ARID5B: variants seen among roughly 807,000 people sequenced by gnomAD.
The protein encoded by ARID5B is AT-rich interactive domain-containing protein 5B.
In ARID5B, 13 loss-of-function variants were observed where a neutral mutation model predicts 97.2. The observed-to-expected ratio is 0.13, with a 90% CI of 0.09 to 0.21. ARID5B has a LOEUF of 0.21. ARID5B is among the 10% of genes least tolerant of loss of function. ARID5B has a pLI of 1.00. For synonymous variants in ARID5B, 556 were observed against 570.3 expected, an observed-to-expected ratio of 0.97 and a Z score of 0.36; for missense variants, 1,210 against 1,465.3, an observed-to-expected ratio of 0.83 and a Z score of 2.84.
intron 7 of ARID5B, among the ~76,000 whole-genome samples, chr10:62,068,462 A>C (rs1029141641): frequency 6.6e-6 from 1 of 152,152 alleles, no homozygotes; most frequent in Non-Finnish European, 1.5e-5. Flanking sequence ...ACCCCATAAT[A>C]TTTAACCAGC....
chr10:61,960,359 G>A (rs779167765), intron 3 of ARID5B, among the ~76,000 whole-genome samples: 2 of 152,082 alleles, frequency 1.3e-5, no homozygotes, highest in Non-Finnish European at 2.9e-5. Context: ...AGCACGTTTT[G>A]TAATGGAAAC....
intron 3 of ARID5B, among the ~76,000 whole-genome samples, chr10:61,982,872 T>C (rs1838795594): frequency 1.3e-5 from 2 of 152,136 alleles, no homozygotes. Flanking sequence ...CAATAAGAAA[T>C]AAACCCCCGC....
rs566731625 is a variant in ARID5B at position 62,003,179 on chromosome 10, A to G, written c.733+2858A>G. On this transcript the variant is annotated intron_variant, in intron 4 of 9. Coordinates refer to ENST00000279873, the MANE Select transcript of ARID5B (RefSeq NM_032199.3). ...GGGTGGGAGGAGGTGTTCAAAAGGT[A>G]AATAAAACTTGGCTCTTGCTAGTTT... 2.6e-5 allele frequency among the ~76,000 whole-genome samples: 4 copies of G among 152,352 alleles called. No individual in the cohort carries two copies. The South Asian group carries it at 8.3e-4, about 32-fold the overall frequency.
At chr10:62,015,699 C>T (rs1454126888) in intron 4 of ARID5B, among the ~76,000 whole-genome samples, 1 of 152,206 alleles carries the variant, frequency 6.6e-6, no homozygotes, top group East Asian at 1.9e-4. Flanking sequence ...TCTTGGCTCA[C>T]TGCAACCTCC....
At chr10:62,030,091 CAT>C (rs1195944083) in intron 4 of ARID5B, among the ~76,000 whole-genome samples, 4 of 151,798 alleles carry the variant, frequency 2.6e-5, no homozygotes, top group East Asian at 3.9e-4. Context: ...ATGAAATACA[CAT>C]GTCAGGAAAA....
chr10:61,964,857 A>G (rs1838521096), intron 3 of ARID5B, among the ~76,000 whole-genome samples: 1 of 152,236 alleles, frequency 6.6e-6, no homozygotes. Context: ...TGATTCAAGA[A>G]CACATTAATT....
rs936924651 is a variant in ARID5B, at chr10:62,000,932, A to G, written c.733+611A>G. Among the ~76,000 whole-genome samples the G allele has an allele frequency of 2.0e-5, 3 of 152,190 alleles. No homozygotes were observed. In the East Asian group the frequency reaches 5.8e-4, roughly 29 times the overall value. Reference sequence around the variant, plus strand: ...TTCATACACTCATACACACACATGCACACGTACACGCACATTGTGCCCACC... The same window carrying G: ...TTCATACACTCATACACACACATGCGCACGTACACGCACATTGTGCCCACC... On this transcript the variant is annotated intron_variant, in intron 4 of 9. Coordinates refer to ENST00000279873, the MANE Select transcript of ARID5B (RefSeq NM_032199.3). The surrounding 1 kb of genome is among the most constrained non-coding windows in gnomAD (Gnocchi z 4.4).
Position 62,093,642 on chromosome 10 carries a change from C to T in ARID5B, c.*612C>T, listed in dbSNP as rs1482449112. ...CAGGTAGTTCCATTTTCTCCCAGTT[C>T]CTTCTCGTCTTTTTTTTTTTTTTTT... On this transcript the variant is annotated 3_prime_UTR_variant, in exon 10 of 10. Coordinates refer to ENST00000279873, the MANE Select transcript of ARID5B (RefSeq NM_032199.3). 3 of 208,928 alleles carry T rather than the reference C, an allele frequency of 1.4e-5. No individual in the cohort carries two copies. Among genetic ancestry groups the T allele is most frequent in the Non-Finnish European group, 2.7e-5 (3 of 109,648 alleles). The allele number at this position is 208,928 out of a possible 1,614,324, so 12.9% of individuals were successfully genotyped here.
intron 4 of ARID5B, chr10:62,025,478 C>G (rs1223984033): frequency 6.6e-6 from 1 of 152,078 alleles, no homozygotes; most frequent in Non-Finnish European, 1.5e-5. Flanking sequence ...GTCTGTCTGC[C>G]TTTACTTATT....
intron 3 of ARID5B, among the ~76,000 whole-genome samples, chr10:61,968,311 C>A (rs1295356247): frequency 6.6e-6 from 1 of 151,150 alleles, no homozygotes; most frequent in Non-Finnish European, 1.5e-5. Context: ...AAAAACCCAC[C>A]CGATTGGTTT....
At chr10:62,076,561 C>CA (rs11363274) in intron 8 of ARID5B, among the ~76,000 whole-genome samples, 2,111 of 92,604 alleles carry the variant, frequency 0.023, 60 homozygotes, top group South Asian at 0.045. Context: ...GACTCTGTCT[C>CA]AAAAAAAAAA....
At chr10:62,085,450 T>C (rs1840267816) in intron 8 of ARID5B, among the ~76,000 whole-genome samples, 1 of 152,220 alleles carries the variant, frequency 6.6e-6, no homozygotes, top group South Asian at 2.1e-4. Flanking sequence ...ATGCTTCCAT[T>C]GGTATCTTGG....
At chr10:62,031,291 T>C (rs1338942361) in intron 4 of ARID5B, among the ~76,000 whole-genome samples, 2 of 152,208 alleles carry the variant, frequency 1.3e-5, no homozygotes, top group Non-Finnish European at 2.9e-5. Context: ...ATGTCCTATT[T>C]GTCTTGGACA....
Position 62,092,402 on chromosome 10 carries a change from A to G in ARID5B, c.2939A>G (p.His980Arg), listed in dbSNP as rs759982287. ...ESLSRSGKPH[H>R]VRLENFRKME... ...CTTTCAAGATCAGGAAAACCTCACC[A>G]TGTGAGACTGGAGAATTTCAGGAAG... Residue 980 changes from histidine to arginine, a missense_variant, in exon 10 of 10, where the codon CAT becomes CGT. Coordinates refer to ENST00000279873, the MANE Select transcript of ARID5B (RefSeq NM_032199.3). 2.5e-6 allele frequency: 4 copies of G among 1,614,012 alleles called. No individual in the cohort carries two copies. The highest frequency in any genetic ancestry group is 3.4e-6 in the Non-Finnish European group (4 of 1,180,028).
chr10:61,979,123 C>T (rs1838742003), intron 3 of ARID5B, among the ~76,000 whole-genome samples: 1 of 149,034 alleles, frequency 6.7e-6, no homozygotes, highest in African/African-American at 2.5e-5. Flanking sequence ...GACCCGAGTA[C>T]ACATGGCCTG....
At chr10:62,082,013 A>G (rs183575965) in intron 8 of ARID5B, among the ~76,000 whole-genome samples, 1 of 151,754 alleles carries the variant, frequency 6.6e-6, no homozygotes, top group Non-Finnish European at 1.5e-5. Flanking sequence ...TTTTTTTAAG[A>G]AAGAAGAATG....
intron 3 of ARID5B, among the ~76,000 whole-genome samples, chr10:61,943,707 C>T (rs755727247): frequency 4.0e-5 from 6 of 151,778 alleles, no homozygotes; most frequent in East Asian, 1.9e-4. Context: ...GCTTTAATTC[C>T]AGTTTGTGTC....
chr10:61,959,721 C>T (rs867365875), intron 3 of ARID5B, among the ~76,000 whole-genome samples: 1 of 152,110 alleles, frequency 6.6e-6, no homozygotes, highest in African/African-American at 2.4e-5. Flanking sequence ...TTACTGTTCT[C>T]CCCAAGAAGC....
At chr10:62,021,699 T>C (rs764928669) in intron 4 of ARID5B, among the ~76,000 whole-genome samples, 1 of 152,238 alleles carries the variant, frequency 6.6e-6, no homozygotes, top group African/African-American at 2.4e-5. Context: ...TCTACAACAA[T>C]GTTTATGTCT....
Sources: allele counts gnomAD v4.1 joint callset (sites outside exome capture counted in the v4.1 genomes callset), GRCh38; gene constraint gnomAD v4.1.1; non-coding constraint Gnocchi (gnomAD v3.1); transcripts MANE v1.5; gene names NCBI Gene and HGNC (gene_info 2026-07-23, HGNC 2026-07-21).